Variants in TSPAN11 observed in about 807,000 individuals in gnomAD.
TSPAN11 encodes the protein tetraspanin 11, also known as tetraspanin-11.
In TSPAN11, 29 loss-of-function variants were observed where a neutral mutation model predicts 32.9. That is an observed-to-expected ratio of 0.88 (90% confidence interval 0.66 to 1.20). The LOEUF (loss-of-function observed/expected upper bound fraction) is 1.20. TSPAN11 is among the 50% of genes most tolerant of loss of function. The probability of loss-of-function intolerance (pLI) is 0.00; values close to 1 mark genes in which losing one functional copy is unlikely to be tolerated. For missense variants in TSPAN11, 283 were observed against 329.1 expected (o/e 0.86, Z 1.08); for synonymous variants, 140 against 141.3 (o/e 0.99, Z 0.07).
intron 1 of TSPAN11, among the ~76,000 whole-genome samples, chr12:30,943,864 G>A (rs1157159137): frequency 6.6e-6 from 1 of 152,236 alleles, no homozygotes; most frequent in Non-Finnish European, 1.5e-5. Context: ...CTGTTGGCAT[G>A]GGGTGTGGAA....
At chr12:30,989,671 T>C (rs560530766) in intron 7 of TSPAN11, among the ~76,000 whole-genome samples, 2 of 152,244 alleles carry the variant, frequency 1.3e-5, no homozygotes, top group Non-Finnish European at 2.9e-5. Flanking sequence ...GATGGTAACA[T>C]GTCTCAGAAC....
At chr12:30,946,515 C>G (rs1938269783) in intron 1 of TSPAN11, among the ~76,000 whole-genome samples, 1 of 152,260 alleles carries the variant, frequency 6.6e-6, no homozygotes, top group East Asian at 1.9e-4. Flanking sequence ...CCAACAGGCT[C>G]GGAGGGTTAC....
intron 7 of TSPAN11, among the ~76,000 whole-genome samples, chr12:30,990,137 C>CGTGTGTGTGTGTGTGTGTGCAA (rs10692114): frequency 1.3e-5 from 2 of 151,654 alleles, no homozygotes; most frequent in African/African-American, 4.8e-5. Context: ...GTGGTGTTCA[C>CGTGTGTGTGTGTGTGTGTGCAA]GTGTGTGTGT....
intron 3 of TSPAN11, among the ~76,000 whole-genome samples, chr12:30,972,073 T>C (rs182434666): frequency 4.9e-4 from 74 of 152,330 alleles, no homozygotes; most frequent in Non-Finnish European, 9.8e-4. Context: ...ATAGTTTTTA[T>C]GGAGGACTCT....
At chr12:30,981,286 T>C (rs924706659) in intron 5 of TSPAN11, among the ~76,000 whole-genome samples, 1 of 152,176 alleles carries the variant, frequency 6.6e-6, no homozygotes, top group African/African-American at 2.4e-5. Flanking sequence ...CAGCAGCACG[T>C]GGATGTAAAT....
intron 2 of TSPAN11, chr12:30,954,477 C>G (rs562487785): frequency 1.3e-5 from 3 of 224,728 alleles, no homozygotes; most frequent in Non-Finnish European, 2.7e-5. Flanking sequence ...TTAACATTCT[C>G]CAGGCCCAGG....
chr12:30,963,695 C>G (rs891133460), intron 2 of TSPAN11, 131 bp from the exon 3 acceptor site: 1 of 983,844 alleles, frequency 1.0e-6, no homozygotes, highest in African/African-American at 1.6e-5. Context: ...GGTAACCATA[C>G]CATTCTCGCC....
intron 2 of TSPAN11, 52 bp from the exon 3 acceptor site, chr12:30,963,774 C>T (rs1419340632): frequency 2.3e-5 from 36 of 1,569,114 alleles, no homozygotes; most frequent in Non-Finnish European, 3.0e-5. Context: ...GAACGGATAG[C>T]AGCTGCCGAG....
At chr12:30,947,619 T>A (rs1417879484) in intron 1 of TSPAN11, among the ~76,000 whole-genome samples, 1 of 152,154 alleles carries the variant, frequency 6.6e-6, no homozygotes, top group East Asian at 1.9e-4. Context: ...TCATGAGACT[T>A]ATTCACTGTC....
At chr12:30,967,010 G>A (rs1938747104) in intron 3 of TSPAN11, among the ~76,000 whole-genome samples, 1 of 152,186 alleles carries the variant, frequency 6.6e-6, no homozygotes, top group African/African-American at 2.4e-5. Context: ...GGTCACCCAG[G>A]CATTAGTGGG....
At chr12:30,961,391 C>T (rs1301890900) in intron 2 of TSPAN11, among the ~76,000 whole-genome samples, 2 of 151,918 alleles carry the variant, frequency 1.3e-5, no homozygotes, top group Non-Finnish European at 2.9e-5. Flanking sequence ...GAAACTGAGG[C>T]TTAGAGGGGC....
chr12:30,954,011 A>G lies in TSPAN11; in HGVS notation c.20A>G (p.Glu7Gly). 6.2e-7 allele frequency: 1 copy of G among 1,613,766 alleles called. No individual in the cohort carries two copies. Among genetic ancestry groups the G allele is most frequent in the Non-Finnish European group, 8.5e-7 (1 of 1,179,966 alleles). ...GAAGCCATGGCCCACTATAAGACTGAGCAGGACGACTGGCTGATCATCTAC... is the reference window on the plus strand; with the variant it reads ...GAAGCCATGGCCCACTATAAGACTGGGCAGGACGACTGGCTGATCATCTAC... The part of the protein sequence containing the change: MAHYKT[E>G]QDDWLIIYLK... Residue 7 changes from glutamate to glycine, a missense_variant, in exon 2 of 8, where the codon GAG (glutamate) becomes GGG (glycine). Coordinates refer to ENST00000546076, the MANE Select transcript of TSPAN11 (RefSeq NM_001370302.1).
Position 30,969,214 on chromosome 12 carries a change from G to C in TSPAN11, c.276+5197G>C, listed in dbSNP as rs142996613. On this transcript the variant is annotated intron_variant, in intron 3 of 7. Coordinates refer to ENST00000546076, the MANE Select transcript of TSPAN11 (RefSeq NM_001370302.1). ...TCCTCTGAAGTAGCTGGCGCTGGTGGGAAGTTCAGGGTGAGGAGAGCCTGA... is the reference window on the plus strand; with the variant it reads ...TCCTCTGAAGTAGCTGGCGCTGGTGCGAAGTTCAGGGTGAGGAGAGCCTGA... 1.9e-3 allele frequency among the ~76,000 whole-genome samples: 284 copies of C among 152,312 alleles called. 7 individuals are homozygous for C. The East Asian group carries it at 0.045, about 24-fold the overall frequency.
chr12:30,966,004 ATG>A (rs1938724479), intron 3 of TSPAN11, among the ~76,000 whole-genome samples: 2 of 80,298 alleles, frequency 2.5e-5, no homozygotes, highest in South Asian at 3.8e-4. Flanking sequence ...TCAAAACATT[ATG>A]AGATTTTTTT....
the TSPAN11 span, among the ~76,000 whole-genome samples, chr12:31,005,130 C>T: frequency 1.3e-5 from 2 of 152,160 alleles, no homozygotes; most frequent in African/African-American, 4.8e-5. Flanking sequence ...CCACAGGTCC[C>T]CCACACTTAG....
At chr12:30,939,053 T>C (rs530692659) in intron 1 of TSPAN11, among the ~76,000 whole-genome samples, 11 of 152,090 alleles carry the variant, frequency 7.2e-5, no homozygotes, top group African/African-American at 2.4e-4. Context: ...GCCAACATGG[T>C]GAACCCTGTC....
At chr12:30,940,731 T>A (rs952134797) in intron 1 of TSPAN11, among the ~76,000 whole-genome samples, 1 of 152,064 alleles carries the variant, frequency 6.6e-6, no homozygotes, top group Admixed American at 6.5e-5. Context: ...GTTGTGAGGA[T>A]TAAAAGAGAT....
Position 30,995,252 on chromosome 12 carries a change from G to A in TSPAN11, c.*3337G>A, listed in dbSNP as rs3741869. ...GTGCAGAATCTCATGTCCACATGGA[G>A]GTCACCCCTCAGGTCACACCCACTC... On this transcript the variant is annotated 3_prime_UTR_variant, in exon 8 of 8. Transcript: ENST00000546076. 20,046 of 152,370 alleles carry A rather than the reference G, an allele frequency of 0.13. 1,554 individuals are homozygous for A. Among genetic ancestry groups the A allele is most frequent in the East Asian group, 0.35 (1,810 of 5,164 alleles). 9.4% of individuals were successfully genotyped at this position (152,370 alleles called of 1,614,324 possible).
At chr12:30,947,504 AG>A (rs1438064338) in intron 1 of TSPAN11, among the ~76,000 whole-genome samples, 3 of 152,204 alleles carry the variant, frequency 2.0e-5, no homozygotes, top group African/African-American at 7.2e-5. Flanking sequence ...ATGGCTGAGG[AG>A]GCCTCAGAAT....
Sources: gnomAD v4.1 joint callset for allele counts (sites outside exome capture counted in the v4.1 genomes callset) on GRCh38, gnomAD v4.1.1 for gene constraint, MANE v1.5 for transcripts, NCBI Gene and HGNC (gene_info 2026-07-23, HGNC 2026-07-21) for gene names.